Variants in MAD1L1 observed in about 807,000 individuals in gnomAD.
MAD1L1 encodes the protein mitotic arrest deficient 1 like 1.
In MAD1L1, 95 loss-of-function variants were observed where a neutral mutation model predicts 96.9. That is an observed-to-expected ratio of 0.98 (90% CI 0.83 to 1.16). MAD1L1 has a LOEUF of 1.16. Among genes scored for constraint, MAD1L1 ranks in the 50% most tolerant of loss-of-function variants. The pLI is 0.00. For synonymous variants in MAD1L1, 473 were observed against 396.6 expected (o/e 1.19, Z -2.29); for missense variants, 1,007 against 954.4 (o/e 1.06, Z -0.73).
intron 18 of MAD1L1, among the ~76,000 whole-genome samples, chr7:1,872,281 C>T (rs180903997): frequency 4.7e-4 from 71 of 152,346 alleles, no homozygotes; most frequent in Middle Eastern, 3.4e-3. Context: ...CTGGGGCTGC[C>T]GCACCGTTTC....
At chr7:1,979,044 C>T (rs552115800) in intron 15 of MAD1L1, among the ~76,000 whole-genome samples, 110 of 152,292 alleles carry the variant, frequency 7.2e-4, no homozygotes, top group Non-Finnish European at 1.0e-3. Flanking sequence ...CTTCCTGGGC[C>T]GGGGCCACAC....
chr7:1,848,559 G>C (rs1027066657), intron 18 of MAD1L1: 1 of 152,564 alleles, frequency 6.6e-6, no homozygotes, highest in African/African-American at 2.4e-5. Context: ...ACCCTACCAG[G>C]AGTAGAAGAC....
chr7:1,968,148 G>A lies in MAD1L1; in HGVS notation c.1506-10429C>T, dbSNP rs948367414. On this transcript the variant is annotated intron_variant, in intron 15 of 18. Transcript: ENST00000265854. This position sits in a 1 kb window ranked among gnomAD's most constrained non-coding sequence, Gnocchi z 5.6. Reference sequence around the variant, plus strand: ...GGGATTCGCTTCCAAGGAAGAGACTGGAGAAAGTGCAAACAGCTTCGCGGA... The same window carrying A: ...GGGATTCGCTTCCAAGGAAGAGACTAGAGAAAGTGCAAACAGCTTCGCGGA... Among the ~76,000 whole-genome samples, 6 of 152,242 alleles carry A rather than the reference G, an allele frequency of 3.9e-5. No individual in the cohort carries two copies. The highest frequency in any genetic ancestry group is 1.4e-4 in the African/African-American group (6 of 41,466).
chr7:1,960,457 A>G (rs192028344), intron 15 of MAD1L1, among the ~76,000 whole-genome samples: 8 of 152,368 alleles, frequency 5.3e-5, no homozygotes, highest in African/African-American at 1.9e-4. Flanking sequence ...AAAGATGCAA[A>G]AAGACATAAC....
chr7:2,048,189 G>A (rs751763160), intron 12 of MAD1L1, among the ~76,000 whole-genome samples: 2 of 152,248 alleles, frequency 1.3e-5, no homozygotes, highest in Non-Finnish European at 2.9e-5. Flanking sequence ...GTGCACGCAT[G>A]TGCACACTGA....
chr7:1,833,928 C>G (rs1412113565), intron 18 of MAD1L1, among the ~76,000 whole-genome samples: 3 of 152,308 alleles, frequency 2.0e-5, no homozygotes, highest in Middle Eastern at 3.4e-3. Flanking sequence ...GCCTGGGTGA[C>G]AGAATGAGAC....
intron 16 of MAD1L1, among the ~76,000 whole-genome samples, chr7:1,938,459 T>C (rs1164687023): frequency 6.6e-6 from 1 of 152,034 alleles, no homozygotes; most frequent in Non-Finnish European, 1.5e-5. Context: ...AAGAACTTCA[T>C]CCACTGAAAC....
chr7:1,826,328 A>G (rs1434016671), intron 18 of MAD1L1, among the ~76,000 whole-genome samples: 1 of 151,870 alleles, frequency 6.6e-6, no homozygotes, highest in East Asian at 1.9e-4. Context: ...CTGCTGGTGT[A>G]TTACCTCGGC....
At chr7:2,043,424 T>C (rs1209089848) in intron 12 of MAD1L1, among the ~76,000 whole-genome samples, 1 of 152,208 alleles carries the variant, frequency 6.6e-6, no homozygotes, top group Non-Finnish European at 1.5e-5. Context: ...TTTAATTAAC[T>C]TTAATCCTCC....
At chr7:2,150,113 C>G (rs922110537) in intron 10 of MAD1L1, among the ~76,000 whole-genome samples, 1 of 152,170 alleles carries the variant, frequency 6.6e-6, no homozygotes, top group African/African-American at 2.4e-5. Flanking sequence ...TCAGGGAGCC[C>G]GCACCGCACC....
At chr7:2,189,074 GT>G (rs1325715530) in intron 10 of MAD1L1, among the ~76,000 whole-genome samples, 1 of 152,096 alleles carries the variant, frequency 6.6e-6, no homozygotes, top group African/African-American at 2.4e-5. Context: ...ACATGGAACG[GT>G]GCTCCACACC....
chr7:1,897,380 C>A (rs907371931), intron 18 of MAD1L1, among the ~76,000 whole-genome samples: 1 of 152,200 alleles, frequency 6.6e-6, no homozygotes, highest in African/African-American at 2.4e-5. Flanking sequence ...CCACAGCCAC[C>A]GCCCCCTCCA....
chr7:1,840,971 G>A (rs1418481026), intron 18 of MAD1L1, among the ~76,000 whole-genome samples: 5 of 152,216 alleles, frequency 3.3e-5, no homozygotes, highest in Admixed American at 2.0e-4. Flanking sequence ...GGTGGTCCCC[G>A]TGCGTTTGCA....
At chr7:1,860,854 C>A (rs1410374493) in intron 18 of MAD1L1, among the ~76,000 whole-genome samples, 2 of 152,210 alleles carry the variant, frequency 1.3e-5, no homozygotes, top group East Asian at 3.8e-4. Flanking sequence ...CTCAAGGCTG[C>A]CCTGGGTCAC....
At chr7:1,938,918 C>A (rs1481751004) in intron 16 of MAD1L1, among the ~76,000 whole-genome samples, 1 of 140,388 alleles carries the variant, frequency 7.1e-6, no homozygotes, top group Non-Finnish European at 1.5e-5. Flanking sequence ...CACACACACA[C>A]ACACACACAC....
intron 18 of MAD1L1, among the ~76,000 whole-genome samples, chr7:1,832,853 A>G (rs975177894): frequency 6.6e-5 from 10 of 152,024 alleles, no homozygotes; most frequent in African/African-American, 2.2e-4. Flanking sequence ...GCTGGTCTCG[A>G]ACTACTGGCC....
At chr7:1,960,097 A>G (rs1483326997) in intron 15 of MAD1L1, among the ~76,000 whole-genome samples, 2 of 152,182 alleles carry the variant, frequency 1.3e-5, no homozygotes, top group African/African-American at 4.8e-5. Flanking sequence ...AGAAGACGTA[A>G]TATCACTTGA....
At chr7:2,021,145 A>G (rs1166060605) in intron 12 of MAD1L1, among the ~76,000 whole-genome samples, 3 of 152,244 alleles carry the variant, frequency 2.0e-5, no homozygotes, top group Non-Finnish European at 4.4e-5. Flanking sequence ...GGAGGCGAGG[A>G]GCGAACACAG....
intron 10 of MAD1L1, among the ~76,000 whole-genome samples, chr7:2,210,596 G>A (rs1792887271): frequency 6.6e-6 from 1 of 152,092 alleles, no homozygotes. Context: ...ACTGCGGCAT[G>A]AGCACCACCC....
Sources: gnomAD v4.1 joint callset for allele counts (sites outside exome capture counted in the v4.1 genomes callset) on GRCh38, gnomAD v4.1.1 for gene constraint, Gnocchi (gnomAD v3.1) non-coding constraint, MANE v1.5 for transcripts, NCBI Gene and HGNC (gene_info 2026-07-23, HGNC 2026-07-21) for gene names.